GIMAP8: variants seen among roughly 807,000 people sequenced by gnomAD.
The protein encoded by GIMAP8 is GTPase, IMAP family member 8, also known as GTPase IMAP family member 8.
A neutral mutation model predicts 35.6 loss-of-function variants in GIMAP8; 29 were observed. That is an observed-to-expected ratio of 0.81 (90% CI 0.61 to 1.11). The LOEUF is 1.11. Ranked by LOEUF, GIMAP8 falls within the 50% of genes most tolerant of loss-of-function variation. The pLI is 0.00. For synonymous variants in GIMAP8, 335 were observed against 308.7 expected, an observed-to-expected ratio of 1.09 and a Z score of -0.89; for missense variants, 811 against 805.0, an observed-to-expected ratio of 1.01 and a Z score of -0.09.
intron 3 of GIMAP8, 108 bp downstream of exon 3, chr7:150,470,982 C>A: frequency 2.4e-6 from 2 of 834,938 alleles, no homozygotes; most frequent in South Asian, 1.4e-5. Context: ...AAAATTCACC[C>A]TGGGGACCTA....
rs189280020 is a variant in GIMAP8 at position 150,472,869 on chromosome 7, G to A, written c.683-1143G>A. Among the ~76,000 whole-genome samples, 1 of 152,060 alleles carries A rather than the reference G, an allele frequency of 6.6e-6. No homozygotes were observed. The highest frequency in any genetic ancestry group is 2.4e-5 in the African/African-American group (1 of 41,458). On this transcript the variant is annotated intron_variant, in intron 3 of 4. Transcript: ENST00000307271. This position sits in a 1 kb window ranked among gnomAD's most constrained non-coding sequence, Gnocchi z 4.1. ...TAGGGGGGAGTGTGAGGGAGGGAGG[G>A]GCACTTCCAGGCCTGACTCAAGTTC...
chr7:150,465,019 G>A (rs754898185), intron 1 of GIMAP8, among the ~76,000 whole-genome samples: 1 of 152,168 alleles, frequency 6.6e-6, no homozygotes, highest in African/African-American at 2.4e-5. Context: ...TTGTCCTCAT[G>A]TGTGTCACAT....
chr7:150,460,903 T>C (rs1311058661), intron 1 of GIMAP8, among the ~76,000 whole-genome samples: 2 of 152,246 alleles, frequency 1.3e-5, no homozygotes, highest in African/African-American at 4.8e-5. Context: ...TGGTGGCCCA[T>C]GGCTAAGTGT....
In GIMAP8 at chr7:150,467,125, TTGC is replaced by T; in HGVS notation, c.431_433del (p.Leu144del). The T allele has an allele frequency of 6.2e-7, 1 of 1,614,168 alleles. No individual in the cohort carries two copies. Among genetic ancestry groups the T allele is most frequent in the Non-Finnish European group, 8.5e-7 (1 of 1,180,018 alleles). ...TCGGAAGGATGATTTGGGGGATGACTTGCTGCAAGATTTCATTGAAAAAAACAA... is the reference window on the plus strand; with the variant it reads ...TCGGAAGGATGATTTGGGGGATGACTTGCAAGATTTCATTGAAAAAAACAA... On this transcript the variant is annotated inframe_deletion, in exon 2 of 5. Transcript: ENST00000307271.
intron 1 of GIMAP8, among the ~76,000 whole-genome samples, chr7:150,456,748 T>G (rs1801739312): frequency 6.6e-6 from 1 of 152,224 alleles, no homozygotes; most frequent in Non-Finnish European, 1.5e-5. Flanking sequence ...AGAAGGGGAT[T>G]AGTTTGTTTA....
At chr7:150,456,210 C>T (rs956967194) in intron 1 of GIMAP8, among the ~76,000 whole-genome samples, 3 of 152,174 alleles carry the variant, frequency 2.0e-5, no homozygotes, top group African/African-American at 7.2e-5. Flanking sequence ...CCTATTGCTG[C>T]TGTAACAAAT....
intron 1 of GIMAP8, among the ~76,000 whole-genome samples, chr7:150,458,448 C>CA (rs1174157649): frequency 1.3e-5 from 2 of 152,190 alleles, no homozygotes; most frequent in African/African-American, 4.8e-5. Flanking sequence ...CTGCTTTACT[C>CA]AGAGTCCACT....
At chr7:150,475,328 A>T (rs1802204393) in intron 4 of GIMAP8, among the ~76,000 whole-genome samples, 1 of 152,216 alleles carries the variant, frequency 6.6e-6, no homozygotes, top group Non-Finnish European at 1.5e-5. Context: ...AAGGAAGGAT[A>T]GGTCTGTTCT....
At chr7:150,461,298 G>T (rs193201859) in intron 1 of GIMAP8, among the ~76,000 whole-genome samples, 1 of 152,292 alleles carries the variant, frequency 6.6e-6, no homozygotes, top group African/African-American at 2.4e-5. Context: ...TTCCTATCTA[G>T]ATTATGTGTC....
At chr7:150,463,444 C>T (rs545640883) in intron 1 of GIMAP8, among the ~76,000 whole-genome samples, 2 of 152,308 alleles carry the variant, frequency 1.3e-5, no homozygotes, top group Admixed American at 1.3e-4. Flanking sequence ...GCACTATGTG[C>T]ATCTGGTGTA....
intron 4 of GIMAP8, among the ~76,000 whole-genome samples, chr7:150,476,350 C>T (rs970118665): frequency 8.5e-5 from 13 of 152,212 alleles, no homozygotes; most frequent in Non-Finnish European, 1.9e-4. Flanking sequence ...CTCCAAAGAA[C>T]GCATATTGTA....
At chr7:150,458,168 G>C (rs1429853482) in intron 1 of GIMAP8, among the ~76,000 whole-genome samples, 1 of 152,140 alleles carries the variant, frequency 6.6e-6, no homozygotes. Context: ...GTATGTGTAA[G>C]ATACTTATTT....
At chr7:150,455,754 T>C (rs4725900) in intron 1 of GIMAP8, among the ~76,000 whole-genome samples, 125 of 152,366 alleles carry the variant, frequency 8.2e-4, no homozygotes, top group Admixed American at 6.9e-3. Flanking sequence ...TCTGCAGTTC[T>C]AATGAGATCC....
intron 1 of GIMAP8, among the ~76,000 whole-genome samples, chr7:150,462,041 C>T (rs1359516168): frequency 6.6e-6 from 1 of 152,016 alleles, no homozygotes; most frequent in East Asian, 1.9e-4. Context: ...GTTTTGTGGG[C>T]AGGGGGTGGA....
chr7:150,468,522 T>C (rs920238266), intron 2 of GIMAP8, among the ~76,000 whole-genome samples: 1 of 152,222 alleles, frequency 6.6e-6, no homozygotes, highest in Non-Finnish European at 1.5e-5. Flanking sequence ...ATGTCCGTAC[T>C]ATGGAATAAA....
At position 150,472,682 on chromosome 7, in the gene GIMAP8, A is replaced by T. The variant is rs1802118632; in HGVS notation, c.683-1330A>T. 2.0e-5 allele frequency among the ~76,000 whole-genome samples: 3 copies of T among 152,274 alleles called. No homozygotes were observed. On this transcript the variant is annotated intron_variant, in intron 3 of 4. Transcript: ENST00000307271. The surrounding 1 kb of genome is among the most constrained non-coding windows in gnomAD (Gnocchi z 4.1). Reference sequence around the variant, plus strand: ...ATTTTGGTAAGAATAGAGGAAATACACATGGCAGCTGATTTGTATAGTTTT... The same window carrying T: ...ATTTTGGTAAGAATAGAGGAAATACTCATGGCAGCTGATTTGTATAGTTTT...
rs1023070904 is a variant in GIMAP8, at chr7:150,477,082, C to T, written c.1310-10C>T. On this transcript the variant is annotated splice_polypyrimidine_tract_variant and intron_variant, in intron 4 of 4. Transcript: ENST00000307271. ...CATGGTCACGAATCTTTCCCACTTTCCTTTGACAGAAACCCTGAACATTGT... is the reference window on the plus strand; with the variant it reads ...CATGGTCACGAATCTTTCCCACTTTTCTTTGACAGAAACCCTGAACATTGT... The T allele has an allele frequency of 1.3e-6, 2 of 1,589,252 alleles. No homozygotes were observed. The highest frequency in any genetic ancestry group is 2.7e-5 in the African/African-American group (2 of 74,362).
chr7:150,466,790 T>G lies in GIMAP8; in HGVS notation c.92T>G (p.Leu31Arg). Residue 31 changes from leucine to arginine, a missense_variant, in exon 2 of 5, where the codon CTG (leucine) becomes CGG (arginine). By Grantham distance (102) the Leu-to-Arg change is moderately radical (BLOSUM62 -2). Transcript: ENST00000307271. ...AAAAGTGCCACAGGAAATGCCATTC[T>G]GGGCAAACATGTGTTCAAGTCCAAG... Reference protein sequence around the residue: ...SGKSATGNAILGKHVFKSKFS... With the variant: ...SGKSATGNAIRGKHVFKSKFS... 1 of 1,614,256 alleles carries G rather than the reference T, an allele frequency of 6.2e-7. No individual in the cohort carries two copies.
Position 150,473,473 on chromosome 7 carries a change from C to T in GIMAP8, c.683-539C>T, listed in dbSNP as rs575642090. On this transcript the variant is annotated intron_variant, in intron 3 of 4. Coordinates refer to ENST00000307271, the MANE Select transcript of GIMAP8 (RefSeq NM_175571.4). ...TTCTATCAACATAGATTAATTTGGTCTGTTCTTCAACTTCATATGGTAGAA... is the reference window on the plus strand; with the variant it reads ...TTCTATCAACATAGATTAATTTGGTTTGTTCTTCAACTTCATATGGTAGAA... Among the ~76,000 whole-genome samples the T allele has an allele frequency of 4.0e-5, 6 of 150,012 alleles. No homozygotes were observed. In the East Asian group the frequency reaches 1.2e-3, roughly 29 times the overall value.
Sources: gnomAD v4.1 joint callset for allele counts (sites outside exome capture counted in the v4.1 genomes callset) on GRCh38, gnomAD v4.1.1 for gene constraint, Gnocchi (gnomAD v3.1) non-coding constraint, MANE v1.5 for transcripts, NCBI Gene and HGNC (gene_info 2026-07-23, HGNC 2026-07-21) for gene names.